MBOAT1: variants seen among roughly 807,000 people sequenced by gnomAD.
MBOAT1 encodes membrane bound glycerophospholipid O-acyltransferase 1, also known as membrane-bound glycerophospholipid O-acyltransferase 1.
In MBOAT1, 67 loss-of-function variants were observed where a neutral mutation model predicts 64.4. The ratio of observed to expected loss-of-function variants is 1.04; its 90% CI spans 0.85 to 1.27. MBOAT1 has a LOEUF of 1.27. Among genes scored for constraint, MBOAT1 ranks in the 50% most tolerant of loss-of-function variants. The pLI, the probability that MBOAT1 is intolerant of heterozygous loss-of-function variation, is 0.00. For missense variants in MBOAT1, 563 were observed against 604.6 expected, an observed-to-expected ratio of 0.93 and a Z score of 0.72; for synonymous variants, 229 against 218.9, an observed-to-expected ratio of 1.05 and a Z score of -0.41.
At chr6:20,112,807 C>T (rs1581396759) in intron 11 of MBOAT1, 69 bp downstream of exon 11, 9 of 1,549,630 alleles carry the variant, frequency 5.8e-6, no homozygotes, top group Non-Finnish European at 7.9e-6. Flanking sequence ...CTACTAGGAC[C>T]CAACAGATAA....
intron 1 of MBOAT1, among the ~76,000 whole-genome samples, chr6:20,198,127 T>C (rs1581464786): frequency 6.7e-6 from 1 of 149,862 alleles, no homozygotes; most frequent in Admixed American, 6.6e-5. Flanking sequence ...ACTTGGGAGG[T>C]TGAGGCAGGA....
intron 5 of MBOAT1, among the ~76,000 whole-genome samples, chr6:20,130,701 C>CAA (rs753257631): frequency 1.3e-4 from 18 of 137,786 alleles, no homozygotes; most frequent in African/African-American, 4.3e-4. Flanking sequence ...TTTTCCAAGC[C>CAA]AAAAAAAAAA....
intron 11 of MBOAT1, among the ~76,000 whole-genome samples, 170 bp from the exon 12 acceptor site, chr6:20,109,919 T>A (rs1346552120): frequency 6.9e-6 from 1 of 143,938 alleles, no homozygotes; most frequent in African/African-American, 2.6e-5. Context: ...TTTTTTTTTT[T>A]TTTTTTTTGA....
intron 1 of MBOAT1, among the ~76,000 whole-genome samples, chr6:20,206,536 A>T (rs552096917): frequency 2.0e-5 from 3 of 151,922 alleles, no homozygotes; most frequent in African/African-American, 7.3e-5. Context: ...AGACTCCCCC[A>T]CACTCCTAAT....
intron 8 of MBOAT1, among the ~76,000 whole-genome samples, chr6:20,123,429 A>C (rs1044426637): frequency 7.9e-5 from 12 of 152,132 alleles, no homozygotes; most frequent in Non-Finnish European, 1.5e-4. Context: ...CTTTATCAAC[A>C]CCCTTTCCCA....
intron 11 of MBOAT1, among the ~76,000 whole-genome samples, chr6:20,111,211 C>T (rs1760128456): frequency 6.6e-6 from 1 of 152,138 alleles, no homozygotes; most frequent in Non-Finnish European, 1.5e-5. Flanking sequence ...CCCTCAGTTT[C>T]CAGATTCAGG....
intron 1 of MBOAT1, among the ~76,000 whole-genome samples, chr6:20,161,963 G>T (rs952054973): frequency 1.3e-5 from 2 of 152,072 alleles, no homozygotes; most frequent in South Asian, 4.1e-4. Flanking sequence ...GTGTCGGCAG[G>T]GTTGGTTTCT....
chr6:20,112,790 C>G (rs1253115332), intron 11 of MBOAT1, 86 bp downstream of exon 11: 5 of 1,455,860 alleles, frequency 3.4e-6, no homozygotes, highest in Non-Finnish European at 4.6e-6. Flanking sequence ...CATCCCACCC[C>G]CAACCCCTAC....
chr6:20,147,946 C>T (rs1247344858), intron 3 of MBOAT1, among the ~76,000 whole-genome samples: 1 of 152,222 alleles, frequency 6.6e-6, no homozygotes, highest in African/African-American at 2.4e-5. Flanking sequence ...TTGATAACTG[C>T]ATCACCAAGT....
chr6:20,127,182 G>A (rs943292426), intron 6 of MBOAT1, among the ~76,000 whole-genome samples: 77 of 152,272 alleles, frequency 5.1e-4, no homozygotes, highest in African/African-American at 1.8e-3. Context: ...CAGAAGAACC[G>A]CAGTAGCAGC....
At chr6:20,158,471 C>A (rs1761759212) in intron 1 of MBOAT1, among the ~76,000 whole-genome samples, 1 of 152,130 alleles carries the variant, frequency 6.6e-6, no homozygotes, top group South Asian at 2.1e-4. Flanking sequence ...TATAAAACTG[C>A]TAGAAGAAAA....
Position 20,139,308 on chromosome 6 carries a change from T to C in MBOAT1, c.419+4912A>G, listed in dbSNP as rs369195806. ...ACGCCCTGCTAATTTTTGTATTTTT[T>C]GTAGAGACGGGGTTTCACCATGTTG... On this transcript the variant is annotated intron_variant, in intron 4 of 12. Coordinates refer to ENST00000324607, the MANE Select transcript of MBOAT1 (RefSeq NM_001080480.3). Among the ~76,000 whole-genome samples, 12 of 152,142 alleles carry C rather than the reference T, an allele frequency of 7.9e-5. No individual in the cohort carries two copies. The East Asian group carries it at 1.2e-3, about 15-fold the overall frequency.
intron 3 of MBOAT1, among the ~76,000 whole-genome samples, chr6:20,148,815 G>C (rs940079995): frequency 2.6e-5 from 4 of 151,986 alleles, no homozygotes; most frequent in Middle Eastern, 3.2e-3. Flanking sequence ...AACCAAGAGG[G>C]GCATCAGCCA....
chr6:20,175,760 C>G (rs553020710), intron 1 of MBOAT1, among the ~76,000 whole-genome samples: 71 of 152,024 alleles, frequency 4.7e-4, no homozygotes, highest in Non-Finnish European at 7.9e-4. Context: ...GCATGAGCCA[C>G]TGCACCTGGC....
Position 20,099,892 on chromosome 6 carries a change from G to T in MBOAT1, c.*2394C>A, listed in dbSNP as rs1046949553. ...GGGTAAGTGGTTTTCAGAAGAAAAA[G>T]GATGCTAATCAGTCTCCTATGTGTT... On this transcript the variant is annotated 3_prime_UTR_variant, in exon 13 of 13. Transcript: ENST00000324607. 3.9e-5 allele frequency among the ~76,000 whole-genome samples: 6 copies of T among 152,144 alleles called. No individual in the cohort carries two copies. The highest frequency in any genetic ancestry group is 3.9e-4 in the Admixed American group (6 of 15,274).
chr6:20,192,995 C>CTTTTTTGTTTTTTTTT (rs1762846466), intron 1 of MBOAT1, among the ~76,000 whole-genome samples: 1 of 55,048 alleles, frequency 1.8e-5, no homozygotes, highest in Non-Finnish European at 3.4e-5. Context: ...GCTATAATTT[C>CTTTTTTGTTTTTTTTT]TTTTTTTTTT....
intron 8 of MBOAT1, among the ~76,000 whole-genome samples, chr6:20,119,673 A>G (rs1760434967): frequency 6.6e-6 from 1 of 152,210 alleles, no homozygotes; most frequent in Non-Finnish European, 1.5e-5. Flanking sequence ...GAAAGCATGA[A>G]AGAGACCAAG....
chr6:20,187,645 C>G (rs1255524263), intron 1 of MBOAT1, among the ~76,000 whole-genome samples: 1 of 152,138 alleles, frequency 6.6e-6, no homozygotes, highest in Non-Finnish European at 1.5e-5. Flanking sequence ...GTGGTAGACC[C>G]TGGATTCATG....
intron 1 of MBOAT1, among the ~76,000 whole-genome samples, chr6:20,190,640 C>A (rs137967541): frequency 6.6e-6 from 1 of 151,880 alleles, no homozygotes; most frequent in African/African-American, 2.4e-5. Context: ...AAATCTATTC[C>A]TCTACTGCTT....
Sources: gnomAD v4.1 joint callset for allele counts (sites outside exome capture counted in the v4.1 genomes callset) on GRCh38, gnomAD v4.1.1 for gene constraint, MANE v1.5 for transcripts, NCBI Gene and HGNC (gene_info 2026-07-23, HGNC 2026-07-21) for gene names.